Variants in ATP9A observed in about 807,000 individuals in gnomAD.
ATP9A encodes the protein probable phospholipid-transporting ATPase IIA.
ATP9A carries 52 observed loss-of-function variants against 144.1 expected under a neutral mutation model. That is an observed-to-expected ratio of 0.36 (90% CI 0.29 to 0.45). ATP9A has a LOEUF of 0.45. Among genes scored for constraint, ATP9A ranks in the 20% least tolerant of loss-of-function variants. The pLI is 1.00. For missense variants in ATP9A, 947 were observed against 1,392.7 expected (o/e 0.68, Z 5.09); for synonymous variants, 582 against 557.4 (o/e 1.04, Z -0.62).
chr20:51,607,622 C>G (rs2273089), intron 25 of ATP9A, 38 bp from the exon 26 acceptor site: 7 of 1,554,802 alleles, frequency 4.5e-6, no homozygotes, highest in Non-Finnish European at 6.2e-6. Context: ...GCCGGTTTCG[C>G]GGGGGGCTCA....
At chr20:51,698,791 C>T (rs1046668075) in intron 4 of ATP9A, among the ~76,000 whole-genome samples, 1 of 152,028 alleles carries the variant, frequency 6.6e-6, no homozygotes, top group Non-Finnish European at 1.5e-5. Flanking sequence ...AGCATGCACA[C>T]GGCCAAAGGC....
chr20:51,693,344 T>C (rs1229534015), intron 7 of ATP9A, among the ~76,000 whole-genome samples: 3 of 151,824 alleles, frequency 2.0e-5, no homozygotes, highest in Non-Finnish European at 4.4e-5. Context: ...ATGGCAACAG[T>C]AAACATCCAG....
At chr20:51,644,657 A>G (rs1408940019) in intron 14 of ATP9A, among the ~76,000 whole-genome samples, 1 of 152,116 alleles carries the variant, frequency 6.6e-6, no homozygotes, top group Non-Finnish European at 1.5e-5. Context: ...ACATCCCAAT[A>G]CAATTCAAAT....
In ATP9A at chr20:51,674,224, C is replaced by T. The variant is rs2077467926; in HGVS notation, c.966G>A (p.Gln322=). 1.2e-5 allele frequency: 20 copies of T among 1,613,994 alleles called. No individual in the cohort carries two copies. Among genetic ancestry groups the T allele is most frequent in the Non-Finnish European group, 1.6e-5 (19 of 1,180,000 alleles). The change falls in exon 11 of 28, where the codon CAG becomes CAA. Residue 322 remains glutamine, a synonymous_variant. Transcript: ENST00000338821. ...GCAGGTACCAACGGCCTGCAAAGTG[C>T]TGAAGGGCAACCATGACCAGCGAGA... The part of the protein sequence containing the change: ...VVVSLVMVAL[Q]HFAGRWYLQI...
At chr20:51,653,352 A>G (rs1165815126) in intron 14 of ATP9A, among the ~76,000 whole-genome samples, 1 of 152,150 alleles carries the variant, frequency 6.6e-6, no homozygotes, top group African/African-American at 2.4e-5. Context: ...ATCTTTGCAC[A>G]GCCCTAAAAC....
In ATP9A at chr20:51,707,162, G is replaced by A. The variant is rs78003945; in HGVS notation, c.436+5804C>T. 4.0e-3 allele frequency among the ~76,000 whole-genome samples: 612 copies of A among 152,270 alleles called. 4 individuals carry two copies. Among genetic ancestry groups the A allele is most frequent in the African/African-American group, 0.014 (591 of 41,548 alleles). On this transcript the variant is annotated intron_variant, in intron 4 of 27. Transcript: ENST00000338821. ...GTCCTGGCCTGAGTTCCATGTTCAG[G>A]TGGGTCCCGTACTTGGTTTAATGCC...
At chr20:51,710,533 G>A (rs1370334105) in intron 4 of ATP9A, among the ~76,000 whole-genome samples, 14 of 152,122 alleles carry the variant, frequency 9.2e-5, no homozygotes, top group Admixed American at 9.2e-4. Context: ...CCCCCCAAAA[G>A]CGTATCAAAT....
intron 1 of ATP9A, among the ~76,000 whole-genome samples, chr20:51,747,911 C>A (rs1244845807): frequency 6.6e-6 from 1 of 152,226 alleles, no homozygotes; most frequent in African/African-American, 2.4e-5. Context: ...CCTATGCTCT[C>A]ATCTTTCCCC....
chr20:51,693,597 G>T (rs1361606743), intron 7 of ATP9A, among the ~76,000 whole-genome samples: 1 of 152,040 alleles, frequency 6.6e-6, no homozygotes, highest in East Asian at 1.9e-4. Context: ...CTATTCCCAG[G>T]CACAATCATG....
At chr20:51,637,365 C>T (rs574971491) in intron 15 of ATP9A, among the ~76,000 whole-genome samples, 1 of 145,640 alleles carries the variant, frequency 6.9e-6, no homozygotes, top group South Asian at 2.3e-4. Context: ...CTGCTCACTT[C>T]GGCACTGACT....
At chr20:51,712,919 C>T (rs1324951877) in intron 4 of ATP9A, 47 bp downstream of exon 4, 2 of 1,508,464 alleles carry the variant, frequency 1.3e-6, no homozygotes, top group South Asian at 1.2e-5. Context: ...CTGTCAGCGG[C>T]CCGTGATTGA....
chr20:51,628,743 T>A (rs2077259657), intron 16 of ATP9A, among the ~76,000 whole-genome samples: 1 of 152,208 alleles, frequency 6.6e-6, no homozygotes, highest in Non-Finnish European at 1.5e-5. Flanking sequence ...CCAGCCAACA[T>A]CTGAATTACG....
At chr20:51,726,863 G>C (rs550301122) in intron 2 of ATP9A, among the ~76,000 whole-genome samples, 2 of 141,026 alleles carry the variant, frequency 1.4e-5, no homozygotes, top group South Asian at 5.1e-4. Context: ...ACAGACCTAA[G>C]CCACTGCGTC....
chr20:51,725,056 C>T (rs2077706428), intron 3 of ATP9A, among the ~76,000 whole-genome samples: 1 of 152,068 alleles, frequency 6.6e-6, no homozygotes, highest in African/African-American at 2.4e-5. Flanking sequence ...GTGAGCATTT[C>T]GTTTGAGTCC....
At position 51,599,014 on chromosome 20, in the gene ATP9A, C is replaced by T. The variant is rs1237051325; in HGVS notation, c.*2197G>A. ...AGCATTCTCCCTTGAAGATGTCAAT[C>T]AGTATCTTAAGCGTTGGCTTTAAAA... On this transcript the variant is annotated 3_prime_UTR_variant, in exon 28 of 28. Transcript: ENST00000338821. 6.6e-6 allele frequency: 1 copy of T among 152,254 alleles called. No individual in the cohort carries two copies. The highest frequency in any genetic ancestry group is 1.5e-5 in the Non-Finnish European group (1 of 68,050). The allele number at this position is 152,254 out of a possible 1,614,324, so 9.4% of individuals were successfully genotyped here. A position where few individuals can be genotyped will look rare whatever the true frequency, so the allele number is the denominator to read the frequency against.
intron 7 of ATP9A, among the ~76,000 whole-genome samples, chr20:51,693,117 T>C (rs2077555374): frequency 6.6e-6 from 1 of 152,196 alleles, no homozygotes; most frequent in Non-Finnish European, 1.5e-5. Flanking sequence ...AGCCAGGGCC[T>C]GCGCCCCATC....
intron 19 of ATP9A, among the ~76,000 whole-genome samples, chr20:51,620,231 G>T (rs983602986): frequency 6.6e-6 from 1 of 152,118 alleles, no homozygotes; most frequent in Admixed American, 6.5e-5. Flanking sequence ...CAAACGAGCC[G>T]GTCTGTCTAC....
Position 51,713,065 on chromosome 20 carries a change from G to C in ATP9A, c.337C>G (p.Leu113Val). ...GCCTCACGGATGACAGTGACGGCCAGCACGAAGCCCTGCAGAGACAGACGA... is the reference window on the plus strand; with the variant it reads ...GCCTCACGGATGACAGTGACGGCCACCACGAAGCCCTGCAGAGACAGACGA... ...YTYWVPLGFV[L>V]AVTVIREAVE... is the part of the protein sequence containing the mutation. Residue 113 changes from leucine to valine, a missense_variant, in exon 4 of 28, where the codon CTG becomes GTG. Transcript: ENST00000338821. The C allele has an allele frequency of 1.2e-6, 2 of 1,610,598 alleles. No individual in the cohort carries two copies. The highest frequency in any genetic ancestry group is 1.7e-6 in the Non-Finnish European group (2 of 1,178,600).
chr20:51,722,637 A>T (rs540693095), intron 3 of ATP9A, among the ~76,000 whole-genome samples: 80 of 152,358 alleles, frequency 5.3e-4, no homozygotes, highest in African/African-American at 1.8e-3. Flanking sequence ...TCGAAACCAC[A>T]ATGCGATACC....
Sources: allele counts gnomAD v4.1 joint callset (sites outside exome capture counted in the v4.1 genomes callset), GRCh38; gene constraint gnomAD v4.1.1; transcripts MANE v1.5; gene names NCBI Gene and HGNC (gene_info 2026-07-23, HGNC 2026-07-21).